Variants in TMEM178B observed in about 807,000 individuals in gnomAD.
TMEM178B encodes the protein transmembrane protein 178B.
A neutral mutation model predicts 31.0 loss-of-function variants in TMEM178B; 5 were observed. The ratio of observed to expected loss-of-function variants is 0.16; its 90% CI spans 0.08 to 0.34. The LOEUF (loss-of-function observed/expected upper bound fraction) is 0.34, where lower values mean the gene tolerates loss of function less well. Ranked by LOEUF, TMEM178B falls within the 10% of genes least tolerant of loss-of-function variation. TMEM178B has a pLI of 1.00. For synonymous variants in TMEM178B, 164 were observed against 164.0 expected (o/e 1.00, Z 0.00); for missense variants, 275 against 400.3 (o/e 0.69, Z 2.67).
chr7:141,357,691 T>A (rs191088107), intron 2 of TMEM178B, among the ~76,000 whole-genome samples: 9 of 152,366 alleles, frequency 5.9e-5, no homozygotes, highest in Non-Finnish European at 1.0e-4. Context: ...ACTTCGAATT[T>A]ATGGAATTAG....
intron 2 of TMEM178B, among the ~76,000 whole-genome samples, chr7:141,221,572 A>G (rs1797257280): frequency 6.6e-6 from 1 of 152,238 alleles, no homozygotes; most frequent in Non-Finnish European, 1.5e-5. Flanking sequence ...AGGGTATTAG[A>G]ATAAGAAATA....
At chr7:141,218,132 G>A (rs1651147417) in intron 2 of TMEM178B, among the ~76,000 whole-genome samples, 1 of 151,882 alleles carries the variant, frequency 6.6e-6, no homozygotes, top group Non-Finnish European at 1.5e-5. Context: ...TGTGGCTGTT[G>A]CCTCAGGCAA....
Position 141,288,825 on chromosome 7 carries a change from G to A in TMEM178B, c.496+76121G>A, listed in dbSNP as rs144772492. ...TTTCTTGGCTTGTTCCTTACCTTGCGTTCTGCTCCAGTGCTTTTTCTTACC... is the reference window on the plus strand; with the variant it reads ...TTTCTTGGCTTGTTCCTTACCTTGCATTCTGCTCCAGTGCTTTTTCTTACC... On this transcript the variant is annotated intron_variant, in intron 2 of 3. Coordinates refer to ENST00000565468, the MANE Select transcript of TMEM178B (RefSeq NM_001195278.2). Among the ~76,000 whole-genome samples the A allele has an allele frequency of 1.8e-3, 272 of 152,268 alleles. 2 individuals carry two copies. The highest frequency in any genetic ancestry group is 6.0e-3 in the African/African-American group (250 of 41,552).
chr7:141,205,588 T>C (rs2129186965), intron 1 of TMEM178B, among the ~76,000 whole-genome samples: 1 of 152,300 alleles, frequency 6.6e-6, no homozygotes, highest in East Asian at 1.9e-4. Context: ...GCTTTAACAA[T>C]GGGTGTCAAG....
chr7:141,417,504 A>G (rs1340114301), intron 2 of TMEM178B, among the ~76,000 whole-genome samples: 3 of 152,210 alleles, frequency 2.0e-5, no homozygotes, highest in African/African-American at 7.2e-5. Flanking sequence ...CAGTGAATGA[A>G]TGAATGAATG....
At chr7:141,109,228 T>C (rs567956464) in intron 1 of TMEM178B, among the ~76,000 whole-genome samples, 35 of 151,974 alleles carry the variant, frequency 2.3e-4, no homozygotes, top group African/African-American at 8.2e-4. Context: ...TGGAGTGATA[T>C]AGCGCCTGGT....
At chr7:141,407,398 T>G (rs918839561) in intron 2 of TMEM178B, among the ~76,000 whole-genome samples, 1 of 152,238 alleles carries the variant, frequency 6.6e-6, no homozygotes, top group Non-Finnish European at 1.5e-5. Context: ...TAACTATGCT[T>G]CTTCTTTGTA....
At position 141,180,080 on chromosome 7, in the gene TMEM178B, G is replaced by A. The variant is rs527301226; in HGVS notation, c.383-32511G>A. Among the ~76,000 whole-genome samples, 75 of 152,280 alleles carry A rather than the reference G, an allele frequency of 4.9e-4. No individual in the cohort carries two copies. The South Asian group carries it at 0.014, about 28-fold the overall frequency. ...AATGGCTGGTGGTCCATAACTCTCC[G>A]TGACACAGTATAGAGAGAAATGGTG... On this transcript the variant is annotated intron_variant, in intron 1 of 3. Transcript: ENST00000565468.
At chr7:141,403,799 G>A (rs1800830526) in intron 2 of TMEM178B, among the ~76,000 whole-genome samples, 1 of 152,196 alleles carries the variant, frequency 6.6e-6, no homozygotes, top group Admixed American at 6.5e-5. Flanking sequence ...GTCATGAGTA[G>A]TTATTACAGA....
intron 2 of TMEM178B, among the ~76,000 whole-genome samples, chr7:141,350,182 C>T (rs1466380094): frequency 1.3e-5 from 2 of 152,266 alleles, no homozygotes; most frequent in East Asian, 1.9e-4. Flanking sequence ...CAGTTGATTA[C>T]ATTGTAGAGC....
At chr7:141,096,184 T>C (rs1172818258) in intron 1 of TMEM178B, among the ~76,000 whole-genome samples, 3 of 152,206 alleles carry the variant, frequency 2.0e-5, no homozygotes, top group African/African-American at 7.2e-5. Context: ...ACACTATGCT[T>C]TAAATTGCAT....
At chr7:141,416,557 G>A (rs749238796) in intron 2 of TMEM178B, among the ~76,000 whole-genome samples, 6 of 152,118 alleles carry the variant, frequency 3.9e-5, no homozygotes, top group African/African-American at 9.7e-5. Context: ...AAAAATCCAC[G>A]ATCCATTTAG....
At chr7:141,493,502 T>C in the TMEM178B span, among the ~76,000 whole-genome samples, 2 of 151,480 alleles carry the variant, frequency 1.3e-5, no homozygotes, top group Non-Finnish European at 2.9e-5. Flanking sequence ...TAGAGACACA[T>C]GGCATCCCTA....
chr7:141,344,685 A>G lies in TMEM178B; in HGVS notation c.497-92923A>G, dbSNP rs1799588288. 6.6e-6 allele frequency among the ~76,000 whole-genome samples: 1 copy of G among 151,604 alleles called. No individual in the cohort carries two copies. Among genetic ancestry groups the G allele is most frequent in the Non-Finnish European group, 1.5e-5 (1 of 67,930 alleles). On this transcript the variant is annotated intron_variant, in intron 2 of 3. Transcript: ENST00000565468. The surrounding 1 kb of genome is among the most constrained non-coding windows in gnomAD (Gnocchi z 4.1). Reference sequence around the variant, plus strand: ...CTCAGAGGGAGGAACAAAGTATAAAACAATAAAGATGGACACAGAAGGTAC... The same window carrying G: ...CTCAGAGGGAGGAACAAAGTATAAAGCAATAAAGATGGACACAGAAGGTAC...
chr7:141,256,024 A>G (rs1797921604), intron 2 of TMEM178B, among the ~76,000 whole-genome samples: 1 of 150,628 alleles, frequency 6.6e-6, no homozygotes, highest in Non-Finnish European at 1.5e-5. Context: ...CCATCCCTCC[A>G]TCCTTCCATC....
intron 2 of TMEM178B, among the ~76,000 whole-genome samples, chr7:141,277,651 C>T (rs1798287686): frequency 6.6e-6 from 1 of 152,008 alleles, no homozygotes; most frequent in South Asian, 2.1e-4. Flanking sequence ...ATTGTAAACT[C>T]TTGGGACCAC....
At chr7:141,229,312 G>A (rs946352167) in intron 2 of TMEM178B, among the ~76,000 whole-genome samples, 1 of 151,944 alleles carries the variant, frequency 6.6e-6, no homozygotes, top group Non-Finnish European at 1.5e-5. Flanking sequence ...AAAAGAGGGA[G>A]GAAATTTGGG....
chr7:141,502,361 G>A, the TMEM178B span, among the ~76,000 whole-genome samples: 1 of 151,976 alleles, frequency 6.6e-6, no homozygotes, highest in South Asian at 2.1e-4. Context: ...ATGCCTGGAG[G>A]TTTCCAATAA....
chr7:141,336,851 A>ACCACCC (rs1799401004), intron 2 of TMEM178B, among the ~76,000 whole-genome samples: 1 of 142,370 alleles, frequency 7.0e-6, no homozygotes, highest in Non-Finnish European at 1.5e-5. Flanking sequence ...CATAACCATT[A>ACCACCC]CCATCACTAC....
Sources: allele counts gnomAD v4.1 joint callset (sites outside exome capture counted in the v4.1 genomes callset), GRCh38; gene constraint gnomAD v4.1.1; non-coding constraint Gnocchi (gnomAD v3.1); transcripts MANE v1.5; gene names NCBI Gene and HGNC (gene_info 2026-07-23, HGNC 2026-07-21).